Variants in ZNF229 observed in about 807,000 individuals in gnomAD.
ZNF229 encodes the protein zinc finger protein 229.
ZNF229 carries 10 observed loss-of-function variants against 11.8 expected under a neutral mutation model. The ratio of observed to expected loss-of-function variants is 0.85; its 90% confidence interval spans 0.52 to 1.44. ZNF229 has a LOEUF of 1.44. ZNF229 is among the 40% of genes most tolerant of loss of function. The pLI, the probability that ZNF229 is intolerant of heterozygous loss-of-function variation, is 0.00. For missense variants in ZNF229, 1,045 were observed against 1,015.1 expected (o/e 1.03, Z -0.40); for synonymous variants, 368 against 374.8 (o/e 0.98, Z 0.21).
At chr19:44,435,721 G>C (rs1199703272) in intron 4 of ZNF229, among the ~76,000 whole-genome samples, 1 of 152,196 alleles carries the variant, frequency 6.6e-6, no homozygotes, top group Non-Finnish European at 1.5e-5. Context: ...AGAGGCAAAT[G>C]CTTTGTTTGA....
intron 4 of ZNF229, among the ~76,000 whole-genome samples, chr19:44,435,656 T>C (rs1971799500): frequency 6.6e-6 from 1 of 152,198 alleles, no homozygotes; most frequent in South Asian, 2.1e-4. Flanking sequence ...AGAAACCATA[T>C]TGTTTGCAGA....
chr19:44,441,592 G>T (rs1316818230), intron 4 of ZNF229, among the ~76,000 whole-genome samples: 1 of 151,802 alleles, frequency 6.6e-6, no homozygotes, highest in Non-Finnish European at 1.5e-5. Flanking sequence ...TTAGAATCTA[G>T]ACAAAAGAAC....
rs200478914 is a variant in ZNF229 at position 44,429,455 on chromosome 19, G to C, written c.1326C>G (p.Phe442Leu). The C allele has an allele frequency of 6.2e-7, 1 of 1,613,970 alleles. No homozygotes were observed. The highest frequency in any genetic ancestry group is 1.1e-5 in the South Asian group (1 of 91,082). ...GTTTGTGCAGTGCAGACTTGGCACA[G>C]AAGCCTTTGCCACACTCGCTGCAGG... is the stretch of plus-strand genomic sequence containing the variant. ...PYTCSECGKG[F>L]CAKSALHKHQ... Residue 442 changes from phenylalanine to leucine, a missense_variant, in exon 6 of 6, where the codon TTC becomes TTG. Coordinates refer to ENST00000614049, the MANE Select transcript of ZNF229 (RefSeq NM_014518.4).
rs994978311 is a variant in ZNF229 at position 44,427,341 on chromosome 19, T to C, written c.*962A>G. The C allele has an allele frequency of 6.6e-6, 1 of 151,552 alleles. No homozygotes were observed. Among genetic ancestry groups the C allele is most frequent in the African/African-American group, 2.4e-5 (1 of 41,090 alleles). The allele number at this position is 151,552 out of a possible 1,614,324, so 9.4% of individuals were successfully genotyped here. A position where few individuals can be genotyped will look rare whatever the true frequency, so the allele number is the denominator to read the frequency against. On this transcript the variant is annotated 3_prime_UTR_variant, in exon 6 of 6. Transcript: ENST00000614049. Reference sequence around the variant, plus strand: ...TTGTGATTTTTAAGATACCTAATATTTGATATGTTAAACTATGAAATGAAC... The same window carrying C: ...TTGTGATTTTTAAGATACCTAATATCTGATATGTTAAACTATGAAATGAAC...
At chr19:44,438,904 T>A (rs911786851) in intron 4 of ZNF229, among the ~76,000 whole-genome samples, 3 of 152,176 alleles carry the variant, frequency 2.0e-5, no homozygotes, top group Non-Finnish European at 2.9e-5. Flanking sequence ...CCAGTAAACA[T>A]AAGTGTTTCC....
At chr19:44,435,561 G>A (rs1010665326) in intron 4 of ZNF229, among the ~76,000 whole-genome samples, 4 of 148,022 alleles carry the variant, frequency 2.7e-5, no homozygotes, top group Non-Finnish European at 5.9e-5. Context: ...CGGTGCCCAG[G>A]GTTTTCATTG....
At chr19:44,441,818 A>C (rs1256799463) in intron 4 of ZNF229, among the ~76,000 whole-genome samples, 3 of 152,252 alleles carry the variant, frequency 2.0e-5, no homozygotes, top group Non-Finnish European at 1.5e-5. Context: ...GACCAGAATA[A>C]GGAGAACTTC....
rs933206343 is a variant in ZNF229 at position 44,426,286 on chromosome 19, G to A, written c.*2017C>T. Reference sequence around the variant, plus strand: ...TACAACATGAATCTTTAATCATAAGGGATTGTTCCATCAGGCTAATTTATA... The same window carrying A: ...TACAACATGAATCTTTAATCATAAGAGATTGTTCCATCAGGCTAATTTATA... On this transcript the variant is annotated 3_prime_UTR_variant, in exon 6 of 6. Transcript: ENST00000614049. 1.3e-5 allele frequency: 2 copies of A among 151,972 alleles called. No individual in the cohort carries two copies. Among genetic ancestry groups the A allele is most frequent in the African/African-American group, 4.8e-5 (2 of 41,314 alleles). The allele number at this position is 151,972 out of a possible 1,614,324, so 9.4% of individuals were successfully genotyped here.
chr19:44,429,224 A>G lies in ZNF229; in HGVS notation c.1557T>C (p.Cys519=), dbSNP rs752028106. 6.2e-7 allele frequency: 1 copy of G among 1,613,494 alleles called. No homozygotes were observed. Among genetic ancestry groups the G allele is most frequent in the Non-Finnish European group, 8.5e-7 (1 of 1,179,924 alleles). ...AACTGAAACTCTTACCACACACGTT[A>G]CATTTGTACAGATGCTGCCCCATGT... ...RVHMGQHLYK[C]NVCGKSFSYS... Residue 519 remains cysteine (C), a synonymous_variant, in exon 6 of 6, where the codon TGT becomes TGC. Transcript: ENST00000614049.
chr19:44,448,564 T>C (rs1169982830), upstream of ZNF229: 1 of 152,054 alleles, frequency 6.6e-6, no homozygotes, highest in Non-Finnish European at 1.5e-5. Context: ...CTAGGGGCGA[T>C]GGTGTCGTAA....
rs2123332588 is a variant in ZNF229, at chr19:44,428,881, C to T, written c.1900G>A (p.Gly634Ser). 1 of 1,613,596 alleles carries T rather than the reference C, an allele frequency of 6.2e-7. No homozygotes were observed. The highest frequency in any genetic ancestry group is 2.2e-5 in the East Asian group (1 of 44,818). ...GEKPYKCAEC[G>S]KGFSYSSGLL... is the part of the protein sequence containing the mutation. ...CCTGAGCTGTAACTGAAGCCTTTGC[C>T]ACACTCAGCACATTTATAGGGTTTC... Residue 634 changes from glycine to serine, a missense_variant, in exon 6 of 6, where the codon GGC becomes AGC. Physicochemically the swap from Gly to Ser is moderately conservative, Grantham distance 56 (BLOSUM62 0). Transcript: ENST00000614049.
intron 4 of ZNF229, among the ~76,000 whole-genome samples, chr19:44,439,547 G>A (rs204551): frequency 0.03 from 4,547 of 152,142 alleles, 132 homozygotes; most frequent in African/African-American, 0.073. Flanking sequence ...AGGTTCAAGC[G>A]ATTCTTCTGC....
intron 4 of ZNF229, among the ~76,000 whole-genome samples, chr19:44,432,943 T>C (rs1483743499): frequency 6.6e-6 from 1 of 152,088 alleles, no homozygotes; most frequent in Non-Finnish European, 1.5e-5. Context: ...CAGCCCGGTG[T>C]GTCAACTCCA....
At chr19:44,442,782 T>TCGCCCCCCCCCCCC in intron 3 of ZNF229, 32 bp downstream of exon 3, 1 of 1,545,190 alleles carries the variant, frequency 6.5e-7, no homozygotes, top group Non-Finnish European at 8.9e-7. Context: ...GTTTGGATTC[T>TCGCCCCCCCCCCCC]CCCCCCACCC....
Position 44,442,600 on chromosome 19 carries a change from G to C in ZNF229, c.56C>G (p.Ala19Gly). Residue 19 changes from alanine (A) to glycine (G), a missense_variant, in exon 4 of 6, where the codon GCC becomes GGC. By Grantham distance (60) the Ala-to-Gly change is moderately conservative. Transcript: ENST00000614049. ...EKRALHSQASAISQDREEKIM... is the reference protein window; with the variant it reads ...EKRALHSQASGISQDREEKIM... Reference sequence around the variant, plus strand: ...CTTCTCCTCCCTATCTTGGGAAATGGCTGAGGCTTGAGAATGAAGAGCTGT... The same window carrying C: ...CTTCTCCTCCCTATCTTGGGAAATGCCTGAGGCTTGAGAATGAAGAGCTGT... The C allele has an allele frequency of 1.2e-6, 2 of 1,614,050 alleles. No individual in the cohort carries two copies. The highest frequency in any genetic ancestry group is 2.2e-5 in the South Asian group (2 of 91,066).
At chr19:44,442,407 ACTAT>A (rs1044424452) in intron 4 of ZNF229, among the ~76,000 whole-genome samples, 152 bp downstream of exon 4, 1 of 152,212 alleles carries the variant, frequency 6.6e-6, no homozygotes, top group African/African-American at 2.4e-5. Context: ...ACAGAATCAT[ACTAT>A]CTGTCTCACA....
Position 44,428,425 on chromosome 19 carries a change from GAACA to G in ZNF229, c.2352_2355del (p.Val785IlefsTer34), listed in dbSNP as rs1360261750. On this transcript the variant is annotated frameshift_variant, in exon 6 of 6. Transcript: ENST00000614049. LOFTEE classifies it low-confidence loss of function (END_TRUNC). ...TTCTCTCCAGTGTGGACTCTCTGATGAACATGAAGACAGGAGTTGCGGCCAAAGC... is the reference window on the plus strand; with the variant it reads ...TTCTCTCCAGTGTGGACTCTCTGATGTGAAGACAGGAGTTGCGGCCAAAGC... The G allele has an allele frequency of 4.3e-6, 7 of 1,614,090 alleles. No individual in the cohort carries two copies. In the South Asian group the frequency reaches 7.7e-5, roughly 18 times the overall value.
In ZNF229 at chr19:44,430,348, C is replaced by T. The variant is rs1568403079; in HGVS notation, c.433G>A (p.Gly145Arg). ...ATTGGAAAACACGGCGTAGATGCTC[C>T]TTCCCACCCTTGATGGGGAGCAGCA... is the stretch of plus-strand genomic sequence containing the variant. ...EDAAPHQGWE[G>R]ASTPCFPIEN... Residue 145 changes from glycine (G) to arginine (R), a missense_variant, in exon 6 of 6, where the codon GGA becomes AGA. Gly to Arg is a moderately radical substitution (Grantham distance 125). Coordinates refer to ENST00000614049, the MANE Select transcript of ZNF229 (RefSeq NM_014518.4). 4 of 1,614,144 alleles carry T rather than the reference C, an allele frequency of 2.5e-6. No homozygotes were observed. In the East Asian group the frequency reaches 8.9e-5, roughly 36 times the overall value.
At chr19:44,441,357 A>G (rs1971905751) in intron 4 of ZNF229, among the ~76,000 whole-genome samples, 1 of 152,226 alleles carries the variant, frequency 6.6e-6, no homozygotes, top group Admixed American at 6.5e-5. Flanking sequence ...TAAGGTACAC[A>G]GTAAAAGAAG....
Sources: allele counts gnomAD v4.1 joint callset (sites outside exome capture counted in the v4.1 genomes callset), GRCh38; gene constraint gnomAD v4.1.1; transcripts MANE v1.5; gene names NCBI Gene and HGNC (gene_info 2026-07-23, HGNC 2026-07-21).